C1QTNF3: variants seen among roughly 807,000 people sequenced by gnomAD.
C1QTNF3 encodes C1q and TNF related 3.
C1QTNF3 carries 26 observed loss-of-function variants against 32.6 expected under a neutral mutation model. That is an observed-to-expected ratio of 0.80 (90% CI 0.58 to 1.11). The LOEUF (loss-of-function observed/expected upper bound fraction) is 1.11. C1QTNF3 is among the 50% of genes least tolerant of loss of function. C1QTNF3 has a pLI of 0.00. For missense variants in C1QTNF3, 362 were observed against 398.2 expected, an observed-to-expected ratio of 0.91 and a Z score of 0.77; for synonymous variants, 155 against 146.0, an observed-to-expected ratio of 1.06 and a Z score of -0.44.
chr5:34,120,609 G>A, the C1QTNF3 span, among the ~76,000 whole-genome samples: 1 of 152,026 alleles, frequency 6.6e-6, no homozygotes, highest in African/African-American at 2.4e-5. Context: ...CATAGGGGTG[G>A]GTCTTTCCCA....
At chr5:34,118,164 C>T in the C1QTNF3 span, among the ~76,000 whole-genome samples, 1 of 152,166 alleles carries the variant, frequency 6.6e-6, no homozygotes, top group Non-Finnish European at 1.5e-5. Flanking sequence ...ACTGCAACCT[C>T]TGCCTCCTGA....
chr5:34,105,476 C>A, the C1QTNF3 span, among the ~76,000 whole-genome samples: 1 of 151,826 alleles, frequency 6.6e-6, no homozygotes, highest in Non-Finnish European at 1.5e-5. Context: ...TGTGCTAGAA[C>A]TAATCTGTAT....
At chr5:34,041,317 A>T (rs1654032216) in intron 1 of C1QTNF3, among the ~76,000 whole-genome samples, 1 of 152,206 alleles carries the variant, frequency 6.6e-6, no homozygotes, top group South Asian at 2.1e-4. Flanking sequence ...TCAGGAACCT[A>T]GAAGGTAGAG....
the C1QTNF3 span, among the ~76,000 whole-genome samples, chr5:34,071,200 C>A: frequency 6.6e-6 from 1 of 152,270 alleles, no homozygotes; most frequent in East Asian, 1.9e-4. Context: ...TTAAGGTGGT[C>A]ATTTTCTTGA....
chr5:34,029,786 T>G (rs1368553633), intron 3 of C1QTNF3, among the ~76,000 whole-genome samples: 1 of 152,248 alleles, frequency 6.6e-6, no homozygotes, highest in Non-Finnish European at 1.5e-5. Context: ...AAGATACTAA[T>G]TTTAAAGCTA....
chr5:34,099,336 T>C, the C1QTNF3 span, among the ~76,000 whole-genome samples: 1 of 152,222 alleles, frequency 6.6e-6, no homozygotes, highest in Non-Finnish European at 1.5e-5. Context: ...TATATATCAC[T>C]AAAGACGTTT....
the C1QTNF3 span, among the ~76,000 whole-genome samples, chr5:34,113,457 CTT>C: frequency 3.3e-5 from 5 of 151,750 alleles, no homozygotes; most frequent in African/African-American, 9.7e-5. Flanking sequence ...TTGTTTTTCT[CTT>C]TGTCTCATTT....
At chr5:34,157,227 G>T in the C1QTNF3 span, among the ~76,000 whole-genome samples, 1 of 152,112 alleles carries the variant, frequency 6.6e-6, no homozygotes, top group African/African-American at 2.4e-5. Context: ...CACTCCCAAT[G>T]GCTGCTGCTG....
chr5:34,153,704 G>T, the C1QTNF3 span, among the ~76,000 whole-genome samples: 1 of 94,264 alleles, frequency 1.1e-5, no homozygotes, highest in Non-Finnish European at 2.1e-5. Context: ...TGGGGACTGT[G>T]GTGGGGTCGG....
At chr5:34,203,213 C>T in the C1QTNF3 span, among the ~76,000 whole-genome samples, 5 of 151,954 alleles carry the variant, frequency 3.3e-5, no homozygotes, top group African/African-American at 1.2e-4. Flanking sequence ...AACAGATTTC[C>T]ACCAAACCAC....
At chr5:34,103,979 T>A in the C1QTNF3 span, among the ~76,000 whole-genome samples, 1 of 150,708 alleles carries the variant, frequency 6.6e-6, no homozygotes, top group African/African-American at 2.4e-5. Flanking sequence ...TTAACACTAC[T>A]AGTGAAAAAT....
chr5:34,161,987 A>G, the C1QTNF3 span, among the ~76,000 whole-genome samples: 1 of 151,936 alleles, frequency 6.6e-6, no homozygotes, highest in African/African-American at 2.4e-5. Flanking sequence ...CATTAATTTG[A>G]TTTCTTCCTT....
the C1QTNF3 span, among the ~76,000 whole-genome samples, chr5:34,056,479 T>TATATAG: frequency 1.4e-3 from 74 of 51,780 alleles, no homozygotes; most frequent in East Asian, 2.9e-3. Context: ...TATATATATA[T>TATATAG]AGAGAGAGAG....
chr5:34,178,367 G>T, the C1QTNF3 span, among the ~76,000 whole-genome samples: 1 of 152,294 alleles, frequency 6.6e-6, no homozygotes, highest in East Asian at 1.9e-4. Context: ...TACTTGACTA[G>T]TTTGCAGAAG....
At chr5:34,066,164 G>A in the C1QTNF3 span, among the ~76,000 whole-genome samples, 3 of 152,126 alleles carry the variant, frequency 2.0e-5, no homozygotes, top group African/African-American at 7.2e-5. Context: ...TGATCTTATC[G>A]GGAAGCTGCT....
the C1QTNF3 span, among the ~76,000 whole-genome samples, chr5:34,159,005 A>T: frequency 3.3e-5 from 5 of 152,078 alleles, no homozygotes; most frequent in Non-Finnish European, 5.9e-5. Context: ...ACACATACAT[A>T]GTGTATAAAT....
At chr5:34,073,601 A>G in the C1QTNF3 span, among the ~76,000 whole-genome samples, 3 of 152,194 alleles carry the variant, frequency 2.0e-5, no homozygotes, top group African/African-American at 7.2e-5. Context: ...ACAAGAGCAA[A>G]ATTTATGAAC....
the C1QTNF3 span, among the ~76,000 whole-genome samples, chr5:34,068,545 G>T: frequency 6.7e-6 from 1 of 149,026 alleles, no homozygotes; most frequent in Non-Finnish European, 1.5e-5. Flanking sequence ...AGAGAGAGAG[G>T]GAGAGAGAGA....
the C1QTNF3 span, chr5:34,175,930 A>G: frequency 2.4e-6 from 2 of 830,046 alleles, no homozygotes; most frequent in Non-Finnish European, 4.3e-6. Context: ...CTTTTCTGGT[A>G]CTCTTCACTG....
Sources: allele counts gnomAD v4.1 joint callset (sites outside exome capture counted in the v4.1 genomes callset), GRCh38; gene constraint gnomAD v4.1.1; transcripts MANE v1.5; gene names NCBI Gene and HGNC (gene_info 2026-07-23, HGNC 2026-07-21).